The following NRCAM variants were observed in gnomAD, a reference collection of about 807,000 sequenced individuals.
NRCAM encodes the protein neuronal cell adhesion molecule, also known as NgCAM-related cell adhesion molecule.
Under a neutral mutation model 156.5 loss-of-function variants are expected in NRCAM, and 83 were observed. That is an observed-to-expected ratio of 0.53 (90% CI 0.44 to 0.64). The LOEUF (loss-of-function observed/expected upper bound fraction) is 0.64, where lower values mean the gene tolerates loss of function less well. Among genes scored for constraint, NRCAM ranks in the 30% least tolerant of loss-of-function variants. The pLI, the probability that NRCAM is intolerant of heterozygous loss-of-function variation, is 0.00. For synonymous variants in NRCAM, 538 were observed against 563.9 expected, an observed-to-expected ratio of 0.95 and a Z score of 0.65; for missense variants, 1,417 against 1,597.3, an observed-to-expected ratio of 0.89 and a Z score of 1.92.
chr7:108,375,259 A>G (rs2099669507), intron 2 of NRCAM, among the ~76,000 whole-genome samples: 1 of 152,164 alleles, frequency 6.6e-6, no homozygotes. Context: ...GAATGTGTTC[A>G]GTATTTGAAT....
chr7:108,240,195 A>G (rs903843669), intron 3 of NRCAM, 25 bp from the exon 4 acceptor site: 8 of 593,690 alleles, frequency 1.3e-5, no homozygotes, highest in African/African-American at 1.1e-4. Context: ...AGTAGGAATA[A>G]TAATTATAAT....
chr7:108,449,554 C>T lies in NRCAM; in HGVS notation c.-332+6689G>A, dbSNP rs144313782. Among the ~76,000 whole-genome samples, 1,063 of 152,306 alleles carry T rather than the reference C, an allele frequency of 7.0e-3. 7 individuals are homozygous for T. Among genetic ancestry groups the T allele is most frequent in the Middle Eastern group, 0.017 (5 of 294 alleles). ...CCTTCCTCAAAGAACCAAAAAACTC[C>T]AGGACAAAACTCTTTGGACAGGCCA... On this transcript the variant is annotated intron_variant, in intron 1 of 32. Transcript: ENST00000379028.
intron 5 of NRCAM, among the ~76,000 whole-genome samples, chr7:108,235,822 G>C (rs533953275): frequency 1.3e-5 from 2 of 152,226 alleles, no homozygotes; most frequent in African/African-American, 4.8e-5. Flanking sequence ...AGACTTATCT[G>C]GTCTCAAACA....
At chr7:108,443,405 A>G (rs1840763319) in intron 1 of NRCAM, among the ~76,000 whole-genome samples, 1 of 152,210 alleles carries the variant, frequency 6.6e-6, no homozygotes, top group Non-Finnish European at 1.5e-5. Flanking sequence ...AAAGCTCTTG[A>G]CAATTCTGTT....
At chr7:108,284,841 G>C (rs934643504) in intron 3 of NRCAM, among the ~76,000 whole-genome samples, 1 of 152,224 alleles carries the variant, frequency 6.6e-6, no homozygotes, top group African/African-American at 2.4e-5. Flanking sequence ...CCTCGCTGGG[G>C]AGGGCAGGAC....
chr7:108,185,285 C>T (rs1174828491), intron 20 of NRCAM, among the ~76,000 whole-genome samples: 2 of 152,148 alleles, frequency 1.3e-5, no homozygotes, highest in African/African-American at 4.8e-5. Context: ...TAAATGGGCT[C>T]ACACAAATGG....
At chr7:108,196,412 G>A (rs2153477169) in intron 14 of NRCAM, among the ~76,000 whole-genome samples, 1 of 152,258 alleles carries the variant, frequency 6.6e-6, no homozygotes, top group South Asian at 2.1e-4. Flanking sequence ...TGGAAGGGGA[G>A]AAAACATTTG....
At chr7:108,165,302 C>T (rs756622252) in intron 30 of NRCAM, among the ~76,000 whole-genome samples, 23 of 152,118 alleles carry the variant, frequency 1.5e-4, no homozygotes, top group African/African-American at 2.2e-4. Context: ...AGCTCTGTCA[C>T]GTTCCTACTG....
chr7:108,265,951 G>A (rs1445084731), intron 3 of NRCAM, among the ~76,000 whole-genome samples: 1 of 152,218 alleles, frequency 6.6e-6, no homozygotes, highest in Non-Finnish European at 1.5e-5. Flanking sequence ...GGTCATGAAA[G>A]TGCTAGAAAT....
chr7:108,359,877 T>C (rs1237911092), intron 2 of NRCAM, among the ~76,000 whole-genome samples: 1 of 152,190 alleles, frequency 6.6e-6, no homozygotes, highest in East Asian at 1.9e-4. Context: ...TCCCCTCCCA[T>C]TCTCCAGTGG....
At chr7:108,369,111 G>A (rs1421741236) in intron 2 of NRCAM, among the ~76,000 whole-genome samples, 1 of 152,066 alleles carries the variant, frequency 6.6e-6, no homozygotes, top group African/African-American at 2.4e-5. Flanking sequence ...TGATACAGAT[G>A]ATGCATTCAA....
chr7:108,314,017 T>C (rs766079097), intron 2 of NRCAM, among the ~76,000 whole-genome samples: 9 of 152,326 alleles, frequency 5.9e-5, no homozygotes, highest in Non-Finnish European at 1.0e-4. Flanking sequence ...TAAGTTTTAA[T>C]AGTTCTCAGC....
At chr7:108,222,166 T>C (rs1032262900) in intron 11 of NRCAM, among the ~76,000 whole-genome samples, 1 of 152,204 alleles carries the variant, frequency 6.6e-6, no homozygotes, top group Non-Finnish European at 1.5e-5. Flanking sequence ...GCATCTCAGA[T>C]GATATGAAGG....
At chr7:108,247,892 C>T (rs944446413) in intron 3 of NRCAM, among the ~76,000 whole-genome samples, 4 of 152,210 alleles carry the variant, frequency 2.6e-5, no homozygotes, top group Non-Finnish European at 5.9e-5. Context: ...CTCTTCCTTC[C>T]TCACAAAGTC....
At chr7:108,228,927 T>C (rs186086454) in intron 8 of NRCAM, among the ~76,000 whole-genome samples, 1 of 152,276 alleles carries the variant, frequency 6.6e-6, no homozygotes, top group East Asian at 1.9e-4. Flanking sequence ...TGCTTTCATA[T>C]AAGGAGAGCC....
At chr7:108,197,840 C>T (rs1374005534) in intron 14 of NRCAM, 116 bp downstream of exon 14, 1 of 675,064 alleles carries the variant, frequency 1.5e-6, no homozygotes, top group African/African-American at 1.9e-5. Flanking sequence ...TCCCTTATAG[C>T]TCCAAGTACT....
At chr7:108,176,709 T>C (rs2060620828) in intron 26 of NRCAM, 103 bp from the exon 27 acceptor site, 3 of 865,924 alleles carry the variant, frequency 3.5e-6, no homozygotes, top group South Asian at 3.6e-5. Context: ...TGGCTTACAT[T>C]GACTTTTATA....
intron 2 of NRCAM, among the ~76,000 whole-genome samples, chr7:108,320,484 T>C (rs2098988289): frequency 6.6e-6 from 1 of 151,042 alleles, no homozygotes; most frequent in African/African-American, 2.4e-5. Flanking sequence ...GGTACTATTA[T>C]ATAATCTACT....
At position 108,291,722 on chromosome 7, in the gene NRCAM, A is replaced by G. The variant is rs532627186; in HGVS notation, c.-107+20943T>C. 2.6e-5 allele frequency among the ~76,000 whole-genome samples: 4 copies of G among 152,304 alleles called. No individual in the cohort carries two copies. In the South Asian group the frequency reaches 8.3e-4, roughly 32 times the overall value. On this transcript the variant is annotated intron_variant, in intron 3 of 32. Coordinates refer to ENST00000379028, the MANE Select transcript of NRCAM (RefSeq NM_001037132.4). Reference sequence around the variant, plus strand: ...AGACAGAGCGACAGAGAGAGAAGAGAAAAGAAAGTATAGAGGAAGAGACAC... The same window carrying G: ...AGACAGAGCGACAGAGAGAGAAGAGGAAAGAAAGTATAGAGGAAGAGACAC...
Sources: allele counts gnomAD v4.1 joint callset (sites outside exome capture counted in the v4.1 genomes callset), GRCh38; gene constraint gnomAD v4.1.1; transcripts MANE v1.5; gene names NCBI Gene and HGNC (gene_info 2026-07-23, HGNC 2026-07-21).